Variants in INPP4B observed in about 807,000 individuals in gnomAD.
The protein encoded by INPP4B is inositol polyphosphate-4-phosphatase type II B, also known as inositol polyphosphate 4-phosphatase type II.
INPP4B carries 55 observed loss-of-function variants against 122.5 expected under a neutral mutation model. The observed-to-expected ratio is 0.45, with a 90% CI of 0.36 to 0.56. INPP4B has a LOEUF of 0.56. Ranked by LOEUF, INPP4B falls within the 20% of genes least tolerant of loss-of-function variation. The probability of loss-of-function intolerance (pLI) is 0.00; values close to 1 mark genes in which losing one functional copy is unlikely to be tolerated. For synonymous variants in INPP4B, 403 were observed against 388.7 expected, an observed-to-expected ratio of 1.04 and a Z score of -0.43; for missense variants, 1,000 against 1,097.7, an observed-to-expected ratio of 0.91 and a Z score of 1.26.
intron 7 of INPP4B, among the ~76,000 whole-genome samples, chr4:142,390,085 C>G (rs1352558322): frequency 6.6e-6 from 1 of 152,024 alleles, no homozygotes; most frequent in Non-Finnish European, 1.5e-5. Context: ...TGCTCTTTCA[C>G]AGGAATTATA....
intron 11 of INPP4B, among the ~76,000 whole-genome samples, chr4:142,254,230 T>C (rs1396937077): frequency 6.6e-6 from 1 of 151,752 alleles, no homozygotes; most frequent in Non-Finnish European, 1.5e-5. Flanking sequence ...AGACCAAAAG[T>C]AGATAAAACC....
At chr4:142,750,073 G>A (rs1167754830) in intron 1 of INPP4B, among the ~76,000 whole-genome samples, 2 of 151,866 alleles carry the variant, frequency 1.3e-5, no homozygotes, top group South Asian at 4.1e-4. Flanking sequence ...CTGAAAATGA[G>A]ACAATAACTT....
At chr4:142,303,461 C>T (rs897982461) in intron 9 of INPP4B, among the ~76,000 whole-genome samples, 1 of 151,928 alleles carries the variant, frequency 6.6e-6, no homozygotes, top group African/African-American at 2.4e-5. Context: ...TTTTAAAATA[C>T]AACACAAAAC....
intron 2 of INPP4B, among the ~76,000 whole-genome samples, chr4:142,548,880 T>G (rs1020647639): frequency 4.6e-5 from 7 of 152,150 alleles, no homozygotes; most frequent in Admixed American, 3.9e-4. Flanking sequence ...AATGCAATTT[T>G]CTTTGATGGC....
intron 2 of INPP4B, among the ~76,000 whole-genome samples, chr4:142,533,230 GAC>G (rs749760989): frequency 1.3e-5 from 2 of 152,110 alleles, no homozygotes; most frequent in Non-Finnish European, 2.9e-5. Context: ...TTATACAAAA[GAC>G]AAATGTTTCC....
At chr4:142,378,971 G>C (rs1793036348) in intron 7 of INPP4B, among the ~76,000 whole-genome samples, 1 of 152,086 alleles carries the variant, frequency 6.6e-6, no homozygotes, top group Non-Finnish European at 1.5e-5. Flanking sequence ...TCCCTGAGTG[G>C]GGTAGGGGGT....
chr4:142,166,458 A>G (rs760887650), intron 16 of INPP4B, among the ~76,000 whole-genome samples: 5 of 151,902 alleles, frequency 3.3e-5, no homozygotes, highest in Admixed American at 6.6e-5. Context: ...TCTAAGCAAT[A>G]CCATTCAGGA....
At chr4:142,737,816 C>G (rs900536772) in intron 1 of INPP4B, among the ~76,000 whole-genome samples, 10 of 152,188 alleles carry the variant, frequency 6.6e-5, no homozygotes, top group Non-Finnish European at 1.0e-4. Context: ...ACAGACACTT[C>G]TCAAAAGAAG....
At chr4:142,610,597 CCTATAT>C (rs1412800173) in intron 2 of INPP4B, among the ~76,000 whole-genome samples, 12 of 152,140 alleles carry the variant, frequency 7.9e-5, no homozygotes, top group South Asian at 4.2e-4. Flanking sequence ...CAGAGTGTTC[CCTATAT>C]CTATGTTTAT....
At chr4:142,202,708 A>T in intron 14 of INPP4B, 1 of 978,932 alleles carries the variant, frequency 1.0e-6, no homozygotes, top group Non-Finnish European at 1.2e-6. Flanking sequence ...CTCATTTTTT[A>T]AAACATATAT....
intron 1 of INPP4B, among the ~76,000 whole-genome samples, chr4:142,776,647 C>T (rs1280545552): frequency 1.3e-5 from 2 of 152,110 alleles, no homozygotes; most frequent in African/African-American, 2.4e-5. Flanking sequence ...AAAATAGACA[C>T]CCAAGTCTCC....
At chr4:142,670,559 A>C (rs967069363) in intron 2 of INPP4B, among the ~76,000 whole-genome samples, 2 of 152,178 alleles carry the variant, frequency 1.3e-5, no homozygotes, top group African/African-American at 4.8e-5. Context: ...AAAAAAACTA[A>C]TACTACATAA....
intron 2 of INPP4B, among the ~76,000 whole-genome samples, chr4:142,600,977 A>G (rs553417026): frequency 6.6e-5 from 10 of 152,258 alleles, no homozygotes; most frequent in Middle Eastern, 3.4e-3. Context: ...AAAGAGATCA[A>G]TCTACCAAGA....
chr4:142,078,192 G>A (rs202168360), intron 25 of INPP4B, among the ~76,000 whole-genome samples: 1 of 145,482 alleles, frequency 6.9e-6, no homozygotes, highest in Non-Finnish European at 1.5e-5. Context: ...TAGAAAAAAA[G>A]GAAGTCTGAA....
chr4:142,587,509 A>G (rs1736480612), intron 2 of INPP4B, among the ~76,000 whole-genome samples: 1 of 152,144 alleles, frequency 6.6e-6, no homozygotes, highest in Non-Finnish European at 1.5e-5. Flanking sequence ...ACAAAACATT[A>G]AAAGAAGAAA....
intron 1 of INPP4B, among the ~76,000 whole-genome samples, chr4:142,769,778 GT>G (rs962131215): frequency 5.9e-5 from 9 of 152,050 alleles, no homozygotes; most frequent in African/African-American, 1.9e-4. Flanking sequence ...GCCAGGTGTG[GT>G]GGTGCACCCC....
At chr4:142,516,514 A>C (rs1275680954) in intron 2 of INPP4B, among the ~76,000 whole-genome samples, 1 of 152,186 alleles carries the variant, frequency 6.6e-6, no homozygotes, top group African/African-American at 2.4e-5. Context: ...GCCCAAAGTC[A>C]GTGTTGGAGC....
At chr4:142,399,350 C>A (rs1800860367) in intron 7 of INPP4B, among the ~76,000 whole-genome samples, 1 of 151,930 alleles carries the variant, frequency 6.6e-6, no homozygotes, top group Non-Finnish European at 1.5e-5. Flanking sequence ...GCGTGTGCCA[C>A]CACGCCCAGC....
intron 12 of INPP4B, among the ~76,000 whole-genome samples, chr4:142,212,753 T>C (rs1845450103): frequency 6.6e-6 from 1 of 152,148 alleles, no homozygotes; most frequent in Non-Finnish European, 1.5e-5. Context: ...ACTGGCAAAG[T>C]ATAAGGTTGT....
Sources: gnomAD v4.1 joint callset for allele counts (sites outside exome capture counted in the v4.1 genomes callset) on GRCh38, gnomAD v4.1.1 for gene constraint, MANE v1.5 for transcripts, NCBI Gene and HGNC (gene_info 2026-07-23, HGNC 2026-07-21) for gene names.